Variants in ABCC4 observed in about 807,000 individuals in gnomAD.
ABCC4 encodes ATP-binding cassette sub-family C member 4.
A neutral mutation model predicts 168.5 loss-of-function variants in ABCC4; 102 were observed. The observed-to-expected ratio is 0.61, with a 90% CI of 0.52 to 0.71. The LOEUF (loss-of-function observed/expected upper bound fraction) is 0.71, where lower values mean the gene tolerates loss of function less well. Ranked by LOEUF, ABCC4 falls within the 30% of genes least tolerant of loss-of-function variation. The pLI, the probability that ABCC4 is intolerant of heterozygous loss-of-function variation, is 0.00. For synonymous variants in ABCC4, 617 were observed against 590.7 expected (o/e 1.04, Z -0.65); for missense variants, 1,402 against 1,605.8 (o/e 0.87, Z 2.17).
chr13:95,166,448 G>T (rs768557063), intron 14 of ABCC4, 81 bp from the exon 15 acceptor site: 16 of 1,214,388 alleles, frequency 1.3e-5, no homozygotes, highest in Non-Finnish European at 1.9e-5. Context: ...TCCAGAAAAA[G>T]TAACTGATCT....
intron 26 of ABCC4, among the ~76,000 whole-genome samples, chr13:95,060,033 A>T (rs2033224835): frequency 6.6e-6 from 1 of 152,218 alleles, no homozygotes; most frequent in South Asian, 2.1e-4. Flanking sequence ...AGATGCTCTG[A>T]AAGATTCTAT....
At chr13:95,045,062 T>G (rs925389959) in intron 27 of ABCC4, among the ~76,000 whole-genome samples, 1 of 152,156 alleles carries the variant, frequency 6.6e-6, no homozygotes, top group South Asian at 2.1e-4. Flanking sequence ...CATATCAGTG[T>G]CCCCCAGCAC....
intron 1 of ABCC4, among the ~76,000 whole-genome samples, chr13:95,267,817 T>A (rs988300907): frequency 4.6e-5 from 7 of 152,082 alleles, no homozygotes; most frequent in Admixed American, 4.6e-4. Flanking sequence ...CAAAGACCAA[T>A]CCTGTGATGA....
chr13:95,058,488 G>A (rs113656001), intron 26 of ABCC4, among the ~76,000 whole-genome samples: 1 of 132,982 alleles, frequency 7.5e-6, no homozygotes, highest in African/African-American at 2.7e-5. Context: ...AGAATCGCTT[G>A]AACCCAGGAG....
intron 4 of ABCC4, among the ~76,000 whole-genome samples, chr13:95,211,413 G>A (rs1434338591): frequency 6.6e-6 from 1 of 152,190 alleles, no homozygotes; most frequent in East Asian, 1.9e-4. Context: ...TCGAACTGAG[G>A]GACACTGGGT....
chr13:95,044,144 A>T (rs2032478218), intron 28 of ABCC4, 122 bp downstream of exon 28: 1 of 1,006,586 alleles, frequency 9.9e-7, no homozygotes, highest in Admixed American at 3.4e-5. Flanking sequence ...GAATTTATCC[A>T]TGTTAAAATG....
chr13:95,204,584 G>C (rs996391286), intron 8 of ABCC4, among the ~76,000 whole-genome samples: 1 of 152,198 alleles, frequency 6.6e-6, no homozygotes, highest in African/African-American at 2.4e-5. Flanking sequence ...CCATGACTGT[G>C]AGTTTCCTGA....
At position 95,210,862 on chromosome 13, in the gene ABCC4, G is replaced by A. The variant is rs2038934730; in HGVS notation, c.532-81C>T. 3 of 1,043,814 alleles carry A rather than the reference G, an allele frequency of 2.9e-6. No homozygotes were observed. In the East Asian group the frequency reaches 7.5e-5, roughly 26 times the overall value. 64.7% of individuals were successfully genotyped at this position (1,043,814 alleles called of 1,614,324 possible). A position where few individuals can be genotyped will look rare whatever the true frequency, so the allele number is the denominator to read the frequency against. On this transcript the variant is annotated intron_variant, in intron 4 of 30. Transcript: ENST00000645237. ...CTTAGGACACAGCAGACCTGAGGAAGTCTCGTGTGATGTCAAGACCAGATC... is the reference window on the plus strand; with the variant it reads ...CTTAGGACACAGCAGACCTGAGGAAATCTCGTGTGATGTCAAGACCAGATC...
intron 19 of ABCC4, among the ~76,000 whole-genome samples, chr13:95,132,463 C>T (rs1405341528): frequency 6.6e-6 from 1 of 152,096 alleles, no homozygotes; most frequent in African/African-American, 2.4e-5. Flanking sequence ...TTGATCCACC[C>T]ACCTCAGCCT....
chr13:95,094,019 G>C (rs2034514014), intron 20 of ABCC4, among the ~76,000 whole-genome samples: 1 of 152,090 alleles, frequency 6.6e-6, no homozygotes, highest in South Asian at 2.1e-4. Flanking sequence ...ACTGCTGGAA[G>C]AAATCATAGA....
chr13:95,051,648 ACTT>A (rs1277726839), intron 27 of ABCC4, among the ~76,000 whole-genome samples: 17 of 151,954 alleles, frequency 1.1e-4, no homozygotes, highest in Non-Finnish European at 1.8e-4. Flanking sequence ...TTAAATGCTT[ACTT>A]TTTTTTAACT....
At chr13:95,251,290 TTTTA>T (rs2040251551) in intron 1 of ABCC4, among the ~76,000 whole-genome samples, 1 of 152,192 alleles carries the variant, frequency 6.6e-6, no homozygotes, top group Non-Finnish European at 1.5e-5. Flanking sequence ...TTCAGCTCTC[TTTTA>T]GCCCTCTCTG....
intron 14 of ABCC4, among the ~76,000 whole-genome samples, chr13:95,167,520 T>G (rs1281366045): frequency 1.3e-5 from 2 of 152,092 alleles, no homozygotes; most frequent in Non-Finnish European, 2.9e-5. Context: ...CCCCAAAAGG[T>G]GGGTCCACTG....
At chr13:95,184,670 A>G (rs1330332650) in intron 11 of ABCC4, among the ~76,000 whole-genome samples, 1 of 152,236 alleles carries the variant, frequency 6.6e-6, no homozygotes, top group East Asian at 1.9e-4. Flanking sequence ...CCTTCCCAAG[A>G]AAGCCCTGTG....
At chr13:95,256,435 A>G (rs1195473159) in intron 1 of ABCC4, among the ~76,000 whole-genome samples, 2 of 152,232 alleles carry the variant, frequency 1.3e-5, no homozygotes, top group Non-Finnish European at 2.9e-5. Flanking sequence ...TGAGCCCATC[A>G]GTGTATGATG....
rs140436228 is a variant in ABCC4 at position 95,225,140 on chromosome 13, GTCTCTCTCTC to G, written c.531+9460_531+9469del. Among the ~76,000 whole-genome samples the G allele has an allele frequency of 7.2e-3, 507 of 70,012 alleles. 5 individuals are homozygous for G. Among genetic ancestry groups the G allele is most frequent in the African/African-American group, 0.019 (460 of 24,316 alleles). The allele number at this position is 70,012 out of a possible 152,430, so 45.9% of individuals were successfully genotyped here. A position where few individuals can be genotyped will look rare whatever the true frequency, so the allele number is the denominator to read the frequency against. On this transcript the variant is annotated intron_variant, in intron 4 of 30. Transcript: ENST00000645237. ...TCCCCCACTGTCTGTCTGTCTGTCT[GTCTCTCTCTC>G]TCTCACACACACACACACACACACA...
intron 1 of ABCC4, among the ~76,000 whole-genome samples, chr13:95,275,286 G>A (rs370084970): frequency 6.6e-6 from 1 of 152,168 alleles, no homozygotes; most frequent in East Asian, 1.9e-4. Context: ...TGAAAGTGGT[G>A]GAGCCTTGCT....
In ABCC4 at chr13:95,126,816, C is replaced by T. The variant is rs200192400; in HGVS notation, c.2456-10815G>A. Among the ~76,000 whole-genome samples, 349 of 35,198 alleles carry T rather than the reference C, an allele frequency of 9.9e-3. 8 individuals are homozygous for T. The highest frequency in any genetic ancestry group is 0.017 in the African/African-American group (230 of 13,678). The allele number at this position is 35,198 out of a possible 152,430, so 23.1% of individuals were successfully genotyped here. A position where few individuals can be genotyped will look rare whatever the true frequency, so the allele number is the denominator to read the frequency against. ...TATATTTATATATATTTAAGTACACCATATATATTTATATATATTTAAGTA... is the reference window on the plus strand; with the variant it reads ...TATATTTATATATATTTAAGTACACTATATATATTTATATATATTTAAGTA... On this transcript the variant is annotated intron_variant, in intron 19 of 30. Coordinates refer to ENST00000645237, the MANE Select transcript of ABCC4 (RefSeq NM_005845.5).
intron 21 of ABCC4, among the ~76,000 whole-genome samples, chr13:95,080,132 A>T (rs2034039816): frequency 6.6e-6 from 1 of 152,148 alleles, no homozygotes; most frequent in Non-Finnish European, 1.5e-5. Context: ...TGCATTGAAC[A>T]AAGTCCCTGG....
Sources: allele counts gnomAD v4.1 joint callset (sites outside exome capture counted in the v4.1 genomes callset), GRCh38; gene constraint gnomAD v4.1.1; transcripts MANE v1.5; gene names NCBI Gene and HGNC (gene_info 2026-07-23, HGNC 2026-07-21).